The following SOAT2 variants were observed in gnomAD, a reference collection of about 807,000 sequenced individuals.
The protein encoded by SOAT2 is sterol O-acyltransferase 2.
A neutral mutation model predicts 76.0 loss-of-function variants in SOAT2; 87 were observed. The observed-to-expected ratio is 1.14, with a 90% CI of 0.96 to 1.37. SOAT2 has a LOEUF of 1.37. Among genes scored for constraint, SOAT2 ranks in the 40% most tolerant of loss-of-function variants. The pLI, the probability that SOAT2 is intolerant of heterozygous loss-of-function variation, is 0.00. For missense variants in SOAT2, 686 were observed against 682.1 expected, an observed-to-expected ratio of 1.01 and a Z score of -0.06; for synonymous variants, 285 against 275.4, an observed-to-expected ratio of 1.03 and a Z score of -0.34.
At chr12:53,121,075 G>C (rs975878064) in intron 11 of SOAT2, among the ~76,000 whole-genome samples, 192 bp downstream of exon 11, 1 of 152,198 alleles carries the variant, frequency 6.6e-6, no homozygotes, top group Non-Finnish European at 1.5e-5. Flanking sequence ...AACTGCTTTT[G>C]TGTGCATGGT....
intron 5 of SOAT2, among the ~76,000 whole-genome samples, chr12:53,113,889 C>T (rs575510144): frequency 6.6e-6 from 1 of 152,230 alleles, no homozygotes; most frequent in East Asian, 1.9e-4. Context: ...TTATCTCCTG[C>T]TAAATCACAG....
intron 10 of SOAT2, among the ~76,000 whole-genome samples, chr12:53,120,088 C>G (rs542089078): frequency 6.6e-6 from 1 of 152,314 alleles, no homozygotes; most frequent in South Asian, 2.1e-4. Context: ...GTAATCACAA[C>G]ACTTTGGGAG....
At chr12:53,120,263 A>G (rs1479242243) in intron 10 of SOAT2, among the ~76,000 whole-genome samples, 1 of 152,136 alleles carries the variant, frequency 6.6e-6, no homozygotes, top group Non-Finnish European at 1.5e-5. Flanking sequence ...AGGTCAGGAG[A>G]TCAAGACCAT....
At chr12:53,109,453 A>G (rs1219314437) in intron 5 of SOAT2, among the ~76,000 whole-genome samples, 1 of 152,086 alleles carries the variant, frequency 6.6e-6, no homozygotes, top group South Asian at 2.1e-4. Context: ...TTAGTGTACT[A>G]TTAATGTTAA....
At chr12:53,105,024 G>T in intron 2 of SOAT2, 83 bp from the exon 3 acceptor site, 8 of 1,358,710 alleles carry the variant, frequency 5.9e-6, no homozygotes, top group Non-Finnish European at 8.0e-6. Flanking sequence ...GCCTGGCATA[G>T]ACAGAAATTC....
chr12:53,104,066 A>T, intron 1 of SOAT2, 85 bp from the exon 2 acceptor site: 1 of 1,150,150 alleles, frequency 8.7e-7, no homozygotes, highest in Non-Finnish European at 1.3e-6. Context: ...CTGAGCACAC[A>T]AAGCATTTCC....
At chr12:53,121,025 C>A in intron 11 of SOAT2, 142 bp downstream of exon 11, 1 of 708,520 alleles carries the variant, frequency 1.4e-6, no homozygotes, top group Non-Finnish European at 2.5e-6. Flanking sequence ...TCTGGATGTG[C>A]TTATAATGCC....
At chr12:53,116,000 T>C in intron 6 of SOAT2, 97 bp from the exon 7 acceptor site, 1 of 1,050,148 alleles carries the variant, frequency 9.5e-7, no homozygotes, top group South Asian at 1.3e-5. Flanking sequence ...GATCTTACAC[T>C]CTGCCTGCCT....
Position 53,121,340 on chromosome 12 carries a change from G to A in SOAT2, c.1175G>A (p.Arg392His), listed in dbSNP as rs201295813. ...TCAACGTCCTTCTCCAACTACTACC[G>A]CACTTGGAACGTGGTGGTCCATGAC... ...WNSTSFSNYY[R>H]TWNVVVHDWL... The change falls in exon 12 of 15, where the codon CGC (arginine) becomes CAC (histidine). Residue 392 changes from arginine (R) to histidine (H), a missense_variant. By Grantham distance (29) the Arg-to-His change is conservative. Coordinates refer to ENST00000301466, the MANE Select transcript of SOAT2 (RefSeq NM_003578.4). 6 of 1,614,076 alleles carry A rather than the reference G, an allele frequency of 3.7e-6. No homozygotes were observed. Among genetic ancestry groups the A allele is most frequent in the Non-Finnish European group, 5.1e-6 (6 of 1,179,984 alleles).
rs202063662 is a variant in SOAT2 at position 53,105,604 on chromosome 12, C to T, written c.319C>T (p.Arg107Cys). The change falls in exon 4 of 15, where the codon CGC becomes TGC. Residue 107 changes from arginine to cysteine, a missense_variant. By Grantham distance (180) the Arg-to-Cys change is radical. Coordinates refer to ENST00000301466, the MANE Select transcript of SOAT2 (RefSeq NM_003578.4). Reference sequence around the variant, plus strand: ...GGGGAAACAGAAAGTTTTCATCATCCGCAAGTCCCTGCTTGAGTAAGTCGG... The same window carrying T: ...GGGGAAACAGAAAGTTTTCATCATCTGCAAGTCCCTGCTTGAGTAAGTCGG... ...SLGKQKVFII[R>C]KSLLDELMEV... 928 of 1,610,802 alleles carry T rather than the reference C, an allele frequency of 5.8e-4. 6 individuals carry two copies. The highest frequency in any genetic ancestry group is 1.9e-4 in the Non-Finnish European group (221 of 1,178,166).
Position 53,105,579 on chromosome 12 carries a change from G to A in SOAT2, c.294G>A (p.Leu98=), listed in dbSNP as rs1937922149. ...GSLSRTQEPS[L]GKQKVFIIRK... ...AATTCAGGACCCAGGAGCCATCCCTGGGGAAACAGAAAGTTTTCATCATCC... is the reference window on the plus strand; with the variant it reads ...AATTCAGGACCCAGGAGCCATCCCTAGGGAAACAGAAAGTTTTCATCATCC... Residue 98 remains leucine, a synonymous_variant, in exon 4 of 15, where the codon CTG becomes CTA. Transcript: ENST00000301466. 6.2e-7 allele frequency: 1 copy of A among 1,611,554 alleles called. No individual in the cohort carries two copies. The highest frequency in any genetic ancestry group is 1.3e-5 in the African/African-American group (1 of 74,846).
intron 10 of SOAT2, among the ~76,000 whole-genome samples, chr12:53,120,297 A>G (rs971784139): frequency 2.0e-5 from 3 of 152,042 alleles, no homozygotes; most frequent in African/African-American, 4.8e-5. Flanking sequence ...GTGAAACCCC[A>G]TCTCTACCAA....
chr12:53,121,333 T>C lies in SOAT2; in HGVS notation c.1168T>C (p.Tyr390His), dbSNP rs757584580. The C allele has an allele frequency of 1.2e-6, 2 of 1,614,146 alleles. No individual in the cohort carries two copies. The highest frequency in any genetic ancestry group is 1.7e-6 in the Non-Finnish European group (2 of 1,179,992). Residue 390 changes from tyrosine to histidine, a missense_variant, in exon 12 of 15, where the codon TAC becomes CAC. By Grantham distance (83) the Tyr-to-His change is moderately conservative. Transcript: ENST00000301466. ...GTGGAACTCAACGTCCTTCTCCAAC[T>C]ACTACCGCACTTGGAACGTGGTGGT... Reference protein sequence around the residue: ...DWWNSTSFSNYYRTWNVVVHD... With the variant: ...DWWNSTSFSNHYRTWNVVVHD...
chr12:53,124,192 G>T lies in SOAT2; in HGVS notation c.*69G>T, dbSNP rs1938240825. 1.3e-6 allele frequency: 2 copies of T among 1,564,818 alleles called. No homozygotes were observed. Among genetic ancestry groups the T allele is most frequent in the Non-Finnish European group, 8.8e-7 (1 of 1,135,750 alleles). On this transcript the variant is annotated 3_prime_UTR_variant, in exon 15 of 15. Transcript: ENST00000301466. ...CTCTGCCTGCAAAACCTGGGACCAG[G>T]ACTCCTGTCTGCATTCCCAAATTTG... is the stretch of plus-strand genomic sequence containing the variant.
chr12:53,119,661 G>A (rs1938161089), intron 10 of SOAT2, among the ~76,000 whole-genome samples: 1 of 80,644 alleles, frequency 1.2e-5, no homozygotes, highest in East Asian at 3.4e-4. Context: ...GAAGATATGT[G>A]CTTCCATGCC....
intron 5 of SOAT2, among the ~76,000 whole-genome samples, chr12:53,114,899 T>A (rs1482530510): frequency 6.6e-6 from 1 of 152,232 alleles, no homozygotes; most frequent in Non-Finnish European, 1.5e-5. Flanking sequence ...GTCCATTGGT[T>A]TGAAGGACTG....
At chr12:53,120,597 C>T (rs1938175871) in intron 10 of SOAT2, among the ~76,000 whole-genome samples, 189 bp from the exon 11 acceptor site, 2 of 150,798 alleles carry the variant, frequency 1.3e-5, no homozygotes, top group African/African-American at 4.9e-5. Flanking sequence ...TATGATCACA[C>T]CACTGCAGTC....
Position 53,105,627 on chromosome 12 carries a change from C to T in SOAT2, c.335+7C>T, listed in dbSNP as rs748541317. The T allele has an allele frequency of 9.3e-6, 15 of 1,607,188 alleles. No homozygotes were observed. The South Asian group carries it at 1.0e-4, about 11-fold the overall frequency. ...TCCGCAAGTCCCTGCTTGAGTAAGTCGGGGTGATGACAAGTAATGGGAGGA... is the reference window on the plus strand; with the variant it reads ...TCCGCAAGTCCCTGCTTGAGTAAGTTGGGGTGATGACAAGTAATGGGAGGA... On this transcript the variant is annotated splice_region_variant and intron_variant, in intron 4 of 14. Coordinates refer to ENST00000301466, the MANE Select transcript of SOAT2 (RefSeq NM_003578.4).
At chr12:53,117,514 A>G (rs1439996872) in intron 7 of SOAT2, among the ~76,000 whole-genome samples, 2 of 152,098 alleles carry the variant, frequency 1.3e-5, no homozygotes, top group East Asian at 3.9e-4. Flanking sequence ...AGAATTTGTC[A>G]GTTAAGTTTG....
Sources: allele counts gnomAD v4.1 joint callset (sites outside exome capture counted in the v4.1 genomes callset), GRCh38; gene constraint gnomAD v4.1.1; transcripts MANE v1.5; gene names NCBI Gene and HGNC (gene_info 2026-07-23, HGNC 2026-07-21).